SHISAL1: variants seen among roughly 807,000 people sequenced by gnomAD.
The protein encoded by SHISAL1 is shisa like 1.
A neutral mutation model predicts 22.6 loss-of-function variants in SHISAL1; 9 were observed. The ratio of observed to expected loss-of-function variants is 0.40; its 90% CI spans 0.24 to 0.70. SHISAL1 has a LOEUF of 0.70. Among genes scored for constraint, SHISAL1 ranks in the 30% least tolerant of loss-of-function variants. SHISAL1 has a pLI of 0.39. For synonymous variants in SHISAL1, 119 were observed against 115.4 expected, an observed-to-expected ratio of 1.03 and a Z score of -0.20; for missense variants, 246 against 270.6, an observed-to-expected ratio of 0.91 and a Z score of 0.64.
the SHISAL1 span, among the ~76,000 whole-genome samples, chr22:44,323,028 A>ACCAT: frequency 0.17 from 21,462 of 126,270 alleles, 2,188 homozygotes; most frequent in South Asian, 0.26. Flanking sequence ...GCATCCATCC[A>ACCAT]CCATCCATCC....
At chr22:44,290,155 C>T (rs754966822) in intron 3 of SHISAL1, among the ~76,000 whole-genome samples, 4 of 152,198 alleles carry the variant, frequency 2.6e-5, no homozygotes, top group Admixed American at 1.3e-4. Flanking sequence ...AGGAGAGTTC[C>T]TGAGGCCAGC....
the SHISAL1 span, among the ~76,000 whole-genome samples, chr22:44,319,648 G>A: frequency 1.3e-5 from 2 of 152,258 alleles, no homozygotes; most frequent in Admixed American, 1.3e-4. Flanking sequence ...CACCACAGCG[G>A]AGAGGGAACT....
the SHISAL1 span, among the ~76,000 whole-genome samples, chr22:44,329,440 GACACACACACACAC>G: frequency 2.1e-5 from 3 of 144,980 alleles, no homozygotes; most frequent in Admixed American, 6.8e-5. Flanking sequence ...GCGAGAATGG[GACACACACACACAC>G]ACACACACAC....
intron 4 of SHISAL1, among the ~76,000 whole-genome samples, chr22:44,280,235 G>A (rs2055266834): frequency 6.6e-6 from 1 of 152,198 alleles, no homozygotes; most frequent in Non-Finnish European, 1.5e-5. Flanking sequence ...GGCTGGGTTG[G>A]AAGGCATGGG....
intron 4 of SHISAL1, among the ~76,000 whole-genome samples, chr22:44,263,350 C>T (rs1043216114): frequency 2.0e-5 from 3 of 152,100 alleles, no homozygotes; most frequent in Admixed American, 6.5e-5. Context: ...GGATTACAGG[C>T]GTGAGCCACT....
chr22:44,285,442 C>A lies in SHISAL1; in HGVS notation c.585G>T (p.Gln195His), dbSNP rs770807951. The A allele has an allele frequency of 5.0e-6, 8 of 1,614,090 alleles. No homozygotes were observed. In the South Asian group the frequency reaches 7.7e-5, roughly 16 times the overall value. Residue 195 changes from glutamine to histidine, a missense_variant, in exon 4 of 5, where the codon CAG (glutamine) becomes CAT (histidine). Physicochemically the swap from Gln to His is conservative, Grantham distance 24 (BLOSUM62 0). Coordinates refer to ENST00000381176, the MANE Select transcript of SHISAL1 (RefSeq NM_001099294.2). ...DAHSPPLMTFQSSSA is the reference protein window; with the variant it reads ...DAHSPPLMTFHSSSA Reference sequence around the variant, plus strand: ...TAGCCACTCACCAGGCAGACGAACTCTGGAAGGTCATCAGCGGTGGGCTGT... The same window carrying A: ...TAGCCACTCACCAGGCAGACGAACTATGGAAGGTCATCAGCGGTGGGCTGT...
intron 4 of SHISAL1, among the ~76,000 whole-genome samples, chr22:44,276,097 G>A (rs900404823): frequency 2.0e-5 from 3 of 152,234 alleles, no homozygotes; most frequent in Non-Finnish European, 2.9e-5. Flanking sequence ...GATGTCAGGC[G>A]GCGGTGCACA....
At chr22:44,317,233 C>T (rs771437702), upstream of SHISAL1, among the ~76,000 whole-genome samples, 13 of 152,282 alleles carry the variant, frequency 8.5e-5, no homozygotes, top group Admixed American at 2.6e-4. Context: ...CTCCGAGAGC[C>T]GGGCCAGGAT....
the SHISAL1 span, among the ~76,000 whole-genome samples, chr22:44,327,663 G>A: frequency 6.6e-6 from 1 of 152,068 alleles, no homozygotes; most frequent in African/African-American, 2.4e-5. Context: ...TGTGTACCCT[G>A]GAGGAAGGCA....
intron 4 of SHISAL1, among the ~76,000 whole-genome samples, chr22:44,270,841 G>A (rs1008975455): frequency 2.6e-5 from 4 of 152,144 alleles, no homozygotes; most frequent in African/African-American, 4.8e-5. Flanking sequence ...CCAGCTCACC[G>A]GGAAGCAGAT....
chr22:44,321,436 T>C, the SHISAL1 span, among the ~76,000 whole-genome samples: 3 of 152,196 alleles, frequency 2.0e-5, no homozygotes, highest in Admixed American at 6.5e-5. Context: ...CCTTGGATGC[T>C]GCCTCCTCTG....
At chr22:44,267,429 C>G (rs914449009) in intron 4 of SHISAL1, among the ~76,000 whole-genome samples, 4 of 152,014 alleles carry the variant, frequency 2.6e-5, no homozygotes, top group African/African-American at 9.7e-5. Context: ...ACCCCAGGCC[C>G]TGGCCAATCT....
chr22:44,292,673 C>A (rs2055360777), intron 3 of SHISAL1, among the ~76,000 whole-genome samples: 5 of 152,232 alleles, frequency 3.3e-5, no homozygotes, highest in Admixed American at 3.3e-4. Flanking sequence ...AGGACTTCAG[C>A]CCTGCATCCC....
At position 44,296,875 on chromosome 22, in the gene SHISAL1, T is replaced by C; in HGVS notation, c.78A>G (p.Ala26=). Residue 26 remains alanine (A), a synonymous_variant, in exon 3 of 5, where the codon GCA becomes GCG. Transcript: ENST00000381176. ...FSLLFSAVLS[A]HFRVCEPYTD... Reference sequence around the variant, plus strand: ...TGTATGGTTCACAGACCCGGAAATGTGCAGACAAGACTGGAAGACAGAGTC... The same window carrying C: ...TGTATGGTTCACAGACCCGGAAATGCGCAGACAAGACTGGAAGACAGAGTC... 1 of 1,611,986 alleles carries C rather than the reference T, an allele frequency of 6.2e-7. No homozygotes were observed. Among genetic ancestry groups the C allele is most frequent in the Non-Finnish European group, 8.5e-7 (1 of 1,179,618 alleles).
In SHISAL1 at chr22:44,273,757, A is replaced by G. The variant is rs187954477; in HGVS notation, c.599+11671T>C. ...ACAGAATGAGGGATGTATACAGACA[A>G]GAACACCAAGGAACTGAAACGTGGG... On this transcript the variant is annotated intron_variant, in intron 4 of 4. Transcript: ENST00000381176. 9.1e-3 allele frequency among the ~76,000 whole-genome samples: 1,383 copies of G among 152,360 alleles called. 11 individuals carry two copies. Among genetic ancestry groups the G allele is most frequent in the Non-Finnish European group, 0.014 (983 of 68,032 alleles).
At chr22:44,272,641 G>A (rs2055213010) in intron 4 of SHISAL1, among the ~76,000 whole-genome samples, 1 of 152,214 alleles carries the variant, frequency 6.6e-6, no homozygotes, top group Admixed American at 6.5e-5. Flanking sequence ...GTGTGGCACA[G>A]ACCAGTCTTT....
intron 1 of SHISAL1, among the ~76,000 whole-genome samples, chr22:44,303,969 T>C (rs1021000300): frequency 1.3e-5 from 2 of 151,790 alleles, no homozygotes; most frequent in African/African-American, 4.8e-5. Context: ...GGTTTCAGAG[T>C]TGAACATGCA....
At chr22:44,269,775 ACTT>A (rs1173930241) in intron 4 of SHISAL1, among the ~76,000 whole-genome samples, 2 of 152,060 alleles carry the variant, frequency 1.3e-5, no homozygotes, top group African/African-American at 4.8e-5. Context: ...ACTCCTGCTC[ACTT>A]CTTACCTGTC....
chr22:44,281,862 C>G (rs1435711470), intron 4 of SHISAL1, among the ~76,000 whole-genome samples: 2 of 152,206 alleles, frequency 1.3e-5, no homozygotes, highest in Non-Finnish European at 1.5e-5. Flanking sequence ...TTGCACCACT[C>G]CTGACGCCCC....
Sources: gnomAD v4.1 joint callset for allele counts (sites outside exome capture counted in the v4.1 genomes callset) on GRCh38, gnomAD v4.1.1 for gene constraint, MANE v1.5 for transcripts, NCBI Gene and HGNC (gene_info 2026-07-23, HGNC 2026-07-21) for gene names.